The following RAB18 variants were observed in gnomAD, a reference collection of about 807,000 sequenced individuals.
RAB18 encodes the protein RAB18, member RAS oncogene family.
In RAB18, 10 loss-of-function variants were observed where a neutral mutation model predicts 28.5. The ratio of observed to expected loss-of-function variants is 0.35; its 90% confidence interval spans 0.22 to 0.60. The LOEUF is 0.60. RAB18 is among the 20% of genes least tolerant of loss of function. The pLI, the probability that RAB18 is intolerant of heterozygous loss-of-function variation, is 0.78. For missense variants in RAB18, 188 were observed against 244.2 expected (o/e 0.77, Z 1.53); for synonymous variants, 93 against 86.9 (o/e 1.07, Z -0.39).
At position 27,515,298 on chromosome 10, in the gene RAB18, TTTAAG is replaced by T. The variant is rs546172512; in HGVS notation, c.124+5371_124+5375del. Among the ~76,000 whole-genome samples, 448 of 152,318 alleles carry T rather than the reference TTTAAG, an allele frequency of 2.9e-3. 1 individual carries two copies. The highest frequency in any genetic ancestry group is 5.1e-3 in the Non-Finnish European group (344 of 68,030). ...ATCTGATTAAATAGGCACAATTCGC[TTTAAG>T]TTTTTTATTTTTTTATTTACCCTGT... On this transcript the variant is annotated intron_variant, in intron 2 of 6. Transcript: ENST00000356940.
At chr10:27,533,537 T>C (rs1003043655) in intron 4 of RAB18, among the ~76,000 whole-genome samples, 198 bp from the exon 5 acceptor site, 6 of 150,892 alleles carry the variant, frequency 4.0e-5, no homozygotes, top group Admixed American at 3.3e-4. Flanking sequence ...GTTAATAGGA[T>C]TGAAATGTGT....
intron 1 of RAB18, among the ~76,000 whole-genome samples, chr10:27,509,143 C>G (rs1834274297): frequency 2.0e-5 from 3 of 151,908 alleles, no homozygotes; most frequent in Admixed American, 2.0e-4. Flanking sequence ...AGGTTTAGTC[C>G]TTTGTTCTCT....
At chr10:27,528,193 A>T (rs1426822345) in intron 3 of RAB18, 2 of 402,860 alleles carry the variant, frequency 5.0e-6, no homozygotes, top group Non-Finnish European at 9.7e-6. Context: ...TTGCAGTGAG[A>T]TTTTTCTCTC....
chr10:27,534,805 A>G (rs933877374), intron 6 of RAB18, among the ~76,000 whole-genome samples: 5 of 152,258 alleles, frequency 3.3e-5, no homozygotes, highest in Non-Finnish European at 2.9e-5. Flanking sequence ...GAATCTGCAA[A>G]TGAAGTTGAG....
At chr10:27,509,295 C>T (rs1834277644) in intron 1 of RAB18, among the ~76,000 whole-genome samples, 1 of 152,156 alleles carries the variant, frequency 6.6e-6, no homozygotes, top group African/African-American at 2.4e-5. Context: ...TGGTTTTACA[C>T]ACTCTACCTA....
chr10:27,533,120 A>T (rs1255775612), intron 4 of RAB18, among the ~76,000 whole-genome samples: 1 of 152,058 alleles, frequency 6.6e-6, no homozygotes, highest in Non-Finnish European at 1.5e-5. Context: ...ATTAATAGGT[A>T]GAATTCTCTT....
chr10:27,538,999 G>GA lies in RAB18; in HGVS notation c.*956dup, dbSNP rs909736212. 9 of 423,440 alleles carry GA rather than the reference G, an allele frequency of 2.1e-5. No homozygotes were observed. Among genetic ancestry groups the GA allele is most frequent in the South Asian group, 3.3e-5 (2 of 60,472 alleles). The allele number at this position is 423,440 out of a possible 1,614,324, so 26.2% of individuals were successfully genotyped here. A position where few individuals can be genotyped will look rare whatever the true frequency, so the allele number is the denominator to read the frequency against. On this transcript the variant is annotated 3_prime_UTR_variant, in exon 7 of 7. Coordinates refer to ENST00000356940, the MANE Select transcript of RAB18 (RefSeq NM_021252.5). Reference sequence around the variant, plus strand: ...CTATTTCTGTGTTTTGAGGGGTGGGGAAAAAAAACACTAAGTGATAATTTG... The same window carrying GA: ...CTATTTCTGTGTTTTGAGGGGTGGGGAAAAAAAAACACTAAGTGATAATTTG...
At position 27,532,638 on chromosome 10, in the gene RAB18, A is replaced by G. The variant is rs544144077; in HGVS notation, c.259+59A>G. 1.2e-5 allele frequency: 16 copies of G among 1,298,786 alleles called. No individual in the cohort carries two copies. The South Asian group carries it at 1.7e-4, about 14-fold the overall frequency. The allele number at this position is 1,298,786 out of a possible 1,614,324, so 80.5% of individuals were successfully genotyped here. A position where few individuals can be genotyped will look rare whatever the true frequency, so the allele number is the denominator to read the frequency against. On this transcript the variant is annotated intron_variant, in intron 4 of 6. Coordinates refer to ENST00000356940, the MANE Select transcript of RAB18 (RefSeq NM_021252.5). ...ATTTATTGGAGTTTCTGATTGTCCT[A>G]GTCTGTGAAAGTTAATATGTCTTTG...
intron 2 of RAB18, among the ~76,000 whole-genome samples, chr10:27,513,029 T>C (rs1421686811): frequency 5.6e-4 from 79 of 140,430 alleles, no homozygotes; most frequent in Non-Finnish European, 8.2e-4. Context: ...TATATATATA[T>C]ATATTTTTTT....
chr10:27,523,962 C>G (rs896986128), intron 2 of RAB18, among the ~76,000 whole-genome samples: 1 of 151,726 alleles, frequency 6.6e-6, no homozygotes, highest in Non-Finnish European at 1.5e-5. Flanking sequence ...GCCTGTAGTC[C>G]CAGCAGCTTG....
chr10:27,515,586 C>A (rs921990274), intron 2 of RAB18, among the ~76,000 whole-genome samples: 1 of 152,204 alleles, frequency 6.6e-6, no homozygotes. Flanking sequence ...CCTATGACTT[C>A]TGCTGGGCAC....
rs373576818 is a variant in RAB18, at chr10:27,523,182, ATGT to A, written c.125-3641_125-3639del. 3.9e-3 allele frequency among the ~76,000 whole-genome samples: 570 copies of A among 147,712 alleles called. 4 individuals carry two copies. Among genetic ancestry groups the A allele is most frequent in the African/African-American group, 0.013 (542 of 40,190 alleles). On this transcript the variant is annotated intron_variant, in intron 2 of 6. Transcript: ENST00000356940. The stretch of plus-strand genomic sequence containing the variant: ...CTTAAGTGGCATCATACAAATTTTG[ATGT>A]TGTTTTTCTTTTTGTTTAAAATATT...
At chr10:27,515,327 GTTTTATGTACCTTTTGACTATAAAA>G (rs1834416392) in intron 2 of RAB18, among the ~76,000 whole-genome samples, 1 of 151,888 alleles carries the variant, frequency 6.6e-6, no homozygotes, top group African/African-American at 2.4e-5. Context: ...TATTTACCCT[GTTTTATGTACCTTTTGACTATAAAA>G]AGGGTGCTTT....
At chr10:27,504,688 G>A in intron 1 of RAB18, 1 of 724,732 alleles carries the variant, frequency 1.4e-6, no homozygotes, top group South Asian at 1.4e-5. Context: ...GTAGCGCCGA[G>A]AAAACACCAT....
rs1834758535 is a variant in RAB18, at chr10:27,530,197, T to A, written c.187-2310T>A. Among the ~76,000 whole-genome samples the A allele has an allele frequency of 2.0e-5, 3 of 151,988 alleles. No individual in the cohort carries two copies. In the South Asian group the frequency reaches 6.2e-4, roughly 31 times the overall value. ...GCAAATAGAATAAACTTTCTTCCTGTTATCAAAAAGTCTTGGGGCTAAAAT... is the reference window on the plus strand; with the variant it reads ...GCAAATAGAATAAACTTTCTTCCTGATATCAAAAAGTCTTGGGGCTAAAAT... On this transcript the variant is annotated intron_variant, in intron 3 of 6. Coordinates refer to ENST00000356940, the MANE Select transcript of RAB18 (RefSeq NM_021252.5).
intron 6 of RAB18, among the ~76,000 whole-genome samples, chr10:27,537,538 G>C (rs1042404010): frequency 6.6e-6 from 1 of 152,142 alleles, no homozygotes; most frequent in African/African-American, 2.4e-5. Flanking sequence ...TATCTGCCTT[G>C]GGAGCAAGTT....
At chr10:27,517,452 A>G (rs1207993424) in intron 2 of RAB18, among the ~76,000 whole-genome samples, 1 of 152,212 alleles carries the variant, frequency 6.6e-6, no homozygotes, top group African/African-American at 2.4e-5. Flanking sequence ...AGATACAGAT[A>G]AAGGCATAGG....
Position 27,541,105 on chromosome 10 carries a change from T to C in RAB18, c.*3054T>C, listed in dbSNP as rs772523360. 2.2e-6 allele frequency: 1 copy of C among 454,090 alleles called. No homozygotes were observed. The highest frequency in any genetic ancestry group is 1.6e-5 in the South Asian group (1 of 64,478). The allele number at this position is 454,090 out of a possible 1,614,324, so 28.1% of individuals were successfully genotyped here. On this transcript the variant is annotated 3_prime_UTR_variant, in exon 7 of 7. Coordinates refer to ENST00000356940, the MANE Select transcript of RAB18 (RefSeq NM_021252.5). The stretch of plus-strand genomic sequence containing the variant: ...TGCTTCTCTTTCTTGGGGGTACATT[T>C]CACTAGTAATACTTAGGAAGTTATT...
chr10:27,528,504 C>T (rs955905166), intron 3 of RAB18, among the ~76,000 whole-genome samples: 106 of 152,040 alleles, frequency 7.0e-4, no homozygotes, highest in Non-Finnish European at 1.1e-3. Context: ...TTTTCCAAAA[C>T]AAAGGGATTA....
Sources: gnomAD v4.1 joint callset for allele counts (sites outside exome capture counted in the v4.1 genomes callset) on GRCh38, gnomAD v4.1.1 for gene constraint, MANE v1.5 for transcripts, NCBI Gene and HGNC (gene_info 2026-07-23, HGNC 2026-07-21) for gene names.